Variants in LDLRAD4 observed in about 807,000 individuals in gnomAD.
LDLRAD4 encodes low density lipoprotein receptor class A domain containing 4, also known as low-density lipoprotein receptor class A domain-containing protein 4.
In LDLRAD4, 5 loss-of-function variants were observed where a neutral mutation model predicts 17.0. The ratio of observed to expected loss-of-function variants is 0.29; its 90% CI spans 0.15 to 0.62. LDLRAD4 has a LOEUF of 0.62. LDLRAD4 is among the 20% of genes least tolerant of loss of function. LDLRAD4 has a pLI of 0.84. For synonymous variants in LDLRAD4, 168 were observed against 171.8 expected, an observed-to-expected ratio of 0.98 and a Z score of 0.17; for missense variants, 340 against 424.7, an observed-to-expected ratio of 0.80 and a Z score of 1.75.
At chr18:13,466,971 G>T (rs1213378619) in intron 3 of LDLRAD4, among the ~76,000 whole-genome samples, 1 of 152,184 alleles carries the variant, frequency 6.6e-6, no homozygotes, top group Non-Finnish European at 1.5e-5. Flanking sequence ...TTGGTAATTA[G>T]GTTTCAACAT....
exon 6 of LDLRAD4, chr18:13,650,458 A>T (rs953141748): frequency 7.5e-6 from 3 of 397,976 alleles, no homozygotes; most frequent in Non-Finnish European, 1.3e-5. Context: ...ATGTAGATAT[A>T]CCCCTATCAT....
At chr18:13,613,570 A>T (rs1247000816) in intron 3 of LDLRAD4, 1 of 152,242 alleles carries the variant, frequency 6.6e-6, no homozygotes, top group Non-Finnish European at 1.5e-5. Context: ...CCTGTCAGTC[A>T]TCTTTGATCA....
At chr18:13,591,794 G>A (rs1178260493) in intron 3 of LDLRAD4, among the ~76,000 whole-genome samples, 2 of 151,930 alleles carry the variant, frequency 1.3e-5, no homozygotes, top group Admixed American at 6.6e-5. Flanking sequence ...TCACTTGTAC[G>A]TGAGGCCAAT....
chr18:13,413,579 G>A (rs2088576665), intron 2 of LDLRAD4, among the ~76,000 whole-genome samples: 1 of 152,180 alleles, frequency 6.6e-6, no homozygotes, highest in South Asian at 2.1e-4. Flanking sequence ...AATGTGATTT[G>A]GGAAAAGGGA....
At chr18:13,339,363 C>T (rs1013248520) in intron 1 of LDLRAD4, among the ~76,000 whole-genome samples, 2 of 151,898 alleles carry the variant, frequency 1.3e-5, no homozygotes, top group East Asian at 1.9e-4. Context: ...GGCATGTGCC[C>T]AGCTATTTTT....
rs749264448 is a variant in LDLRAD4 at position 13,548,785 on chromosome 18, T to G, written c.182-72332T>G. 1.4e-3 allele frequency among the ~76,000 whole-genome samples: 215 copies of G among 152,344 alleles called. 1 individual carries two copies. Among genetic ancestry groups the G allele is most frequent in the Middle Eastern group, 0.01 (3 of 294 alleles). ...GTTAGGGCTCCCACCTGTTCCTGGCTCCTGCCTGCTCCAGGGAGCACACGG... is the reference window on the plus strand; with the variant it reads ...GTTAGGGCTCCCACCTGTTCCTGGCGCCTGCCTGCTCCAGGGAGCACACGG... On this transcript the variant is annotated intron_variant, in intron 3 of 5. Coordinates refer to ENST00000359446, the Ensembl canonical transcript of LDLRAD4.
upstream of LDLRAD4, among the ~76,000 whole-genome samples, chr18:13,276,065 G>T (rs1403232118): frequency 6.6e-6 from 1 of 152,260 alleles, no homozygotes; most frequent in East Asian, 1.9e-4. Context: ...CTGGAGTGCA[G>T]TGGGTCGATC....
intron 3 of LDLRAD4, among the ~76,000 whole-genome samples, chr18:13,501,672 A>G (rs2847111): frequency 0.73 from 109,920 of 151,292 alleles, 43,995 homozygotes; most frequent in Non-Finnish European, 0.88. Flanking sequence ...ATAGAAACCC[A>G]AGGGGTCCGG....
At chr18:13,402,018 C>T (rs746685511) in intron 2 of LDLRAD4, among the ~76,000 whole-genome samples, 8 of 152,204 alleles carry the variant, frequency 5.3e-5, no homozygotes, top group Admixed American at 6.5e-5. Flanking sequence ...TCAGTGGTGG[C>T]GCTTTGCCAA....
At chr18:13,431,802 T>C (rs1314574238) in intron 2 of LDLRAD4, among the ~76,000 whole-genome samples, 1 of 152,230 alleles carries the variant, frequency 6.6e-6, no homozygotes, top group Non-Finnish European at 1.5e-5. Context: ...AACTATGGTT[T>C]CAGCAGCACC....
intron 3 of LDLRAD4, among the ~76,000 whole-genome samples, chr18:13,558,338 G>A (rs1475187038): frequency 2.0e-5 from 3 of 152,162 alleles, no homozygotes; most frequent in Non-Finnish European, 2.9e-5. Flanking sequence ...GCATGCAGAA[G>A]CACCACTTGC....
chr18:13,410,285 G>A (rs1393894692), intron 2 of LDLRAD4, among the ~76,000 whole-genome samples: 1 of 152,096 alleles, frequency 6.6e-6, no homozygotes, highest in African/African-American at 2.4e-5. Context: ...GCTCCTAGAT[G>A]GGATCCTGGG....
At chr18:13,526,726 C>T (rs752391077) in intron 3 of LDLRAD4, 4 of 152,208 alleles carry the variant, frequency 2.6e-5, no homozygotes, top group Admixed American at 6.5e-5. Context: ...ATCGCATCCT[C>T]GAAGGTGTTT....
At chr18:13,522,794 T>G in intron 3 of LDLRAD4, 1 of 153,126 alleles carries the variant, frequency 6.5e-6, no homozygotes, top group Non-Finnish European at 1.5e-5. Flanking sequence ...TAGGGTGTTT[T>G]GGGGCTTGGG....
intron 1 of LDLRAD4, among the ~76,000 whole-genome samples, chr18:13,313,249 T>C (rs891691844): frequency 9.9e-5 from 15 of 152,232 alleles, no homozygotes; most frequent in Non-Finnish European, 5.9e-5. Context: ...GTTGGCGTTG[T>C]GCACGTGACC....
intron 3 of LDLRAD4, chr18:13,564,960 T>G (rs1001394513): frequency 1.3e-5 from 2 of 152,308 alleles, no homozygotes; most frequent in African/African-American, 2.4e-5. Flanking sequence ...CAGCAGGAAT[T>G]TATAGTCAGA....
rs946467510 is a variant in LDLRAD4 at position 13,621,382 on chromosome 18, C to A, written c.336+111C>A. 1 of 764,462 alleles carries A rather than the reference C, an allele frequency of 1.3e-6. No homozygotes were observed. Among genetic ancestry groups the A allele is most frequent in the Non-Finnish European group, 2.2e-6 (1 of 456,902 alleles). The allele number at this position is 764,462 out of a possible 1,614,324, so 47.4% of individuals were successfully genotyped here. A position where few individuals can be genotyped will look rare whatever the true frequency, so the allele number is the denominator to read the frequency against. On this transcript the variant is annotated intron_variant, in intron 4 of 5. Coordinates refer to ENST00000359446, the Ensembl canonical transcript of LDLRAD4. The surrounding 1 kb of genome is among the most constrained non-coding windows in gnomAD (Gnocchi z 5.5). ...TTCAGTTGACATGTAACAAACGGGG[C>A]GAAGCGCACCTCGTAAGTGTTCCAC...
intron 3 of LDLRAD4, chr18:13,486,991 G>C (rs1163717660): frequency 1.3e-5 from 2 of 152,198 alleles, no homozygotes; most frequent in Non-Finnish European, 2.9e-5. Context: ...TGCTGGGTGG[G>C]TGGTAGTATG....
At chr18:13,481,172 A>ATCTTCTGCCCTATCAGAAGATGGGCAAAT (rs1329151346) in intron 3 of LDLRAD4, among the ~76,000 whole-genome samples, 2 of 152,214 alleles carry the variant, frequency 1.3e-5, no homozygotes, top group Non-Finnish European at 2.9e-5. Flanking sequence ...TCCTCCCGTC[A>ATCTTCTGCCCTATCAGAAGATGGGCAAAT]TCTTCTGCCC....
Sources: allele counts gnomAD v4.1 joint callset (sites outside exome capture counted in the v4.1 genomes callset), GRCh38; gene constraint gnomAD v4.1.1; non-coding constraint Gnocchi (gnomAD v3.1); transcripts MANE v1.5; gene names NCBI Gene and HGNC (gene_info 2026-07-23, HGNC 2026-07-21).